SPSB1: variants seen among roughly 807,000 people sequenced by gnomAD.
SPSB1 encodes the protein splA/ryanodine receptor domain and SOCS box containing 1.
SPSB1 carries 8 observed loss-of-function variants against 21.2 expected under a neutral mutation model. That is an observed-to-expected ratio of 0.38 (90% confidence interval 0.22 to 0.68). The LOEUF is 0.68. Ranked by LOEUF, SPSB1 falls within the 30% of genes least tolerant of loss-of-function variation. The probability of loss-of-function intolerance (pLI) is 0.53; values close to 1 mark genes in which losing one functional copy is unlikely to be tolerated. For synonymous variants in SPSB1, 169 were observed against 161.7 expected, an observed-to-expected ratio of 1.05 and a Z score of -0.34; for missense variants, 242 against 377.8, an observed-to-expected ratio of 0.64 and a Z score of 2.98.
intron 1 of SPSB1, among the ~76,000 whole-genome samples, chr1:9,308,127 C>T (rs942952283): frequency 6.6e-6 from 1 of 152,252 alleles, no homozygotes; most frequent in African/African-American, 2.4e-5. Context: ...TAATTCCATT[C>T]CTTCCAGTGT....
chr1:9,296,934 G>A (rs1639235113), intron 1 of SPSB1, among the ~76,000 whole-genome samples: 1 of 152,186 alleles, frequency 6.6e-6, no homozygotes, highest in African/African-American at 2.4e-5. Context: ...ATTGCCCAAC[G>A]TTAAAAATAA....
chr1:9,304,654 G>A (rs1053904018), intron 1 of SPSB1, among the ~76,000 whole-genome samples: 1 of 152,058 alleles, frequency 6.6e-6, no homozygotes, highest in South Asian at 2.1e-4. Context: ...CTAGTTTGGG[G>A]GTCATCGTGA....
In SPSB1 at chr1:9,367,390, G is replaced by A. The variant is rs1329433192; in HGVS notation, c.695-58G>A. 14 of 1,610,824 alleles carry A rather than the reference G, an allele frequency of 8.7e-6. No homozygotes were observed. In the Admixed American group the frequency reaches 1.5e-4, roughly 17 times the overall value. On this transcript the variant is annotated intron_variant, in intron 2 of 2. Transcript: ENST00000328089. The surrounding 1 kb of genome is among the most constrained non-coding windows in gnomAD (Gnocchi z 5.9). ...TGATAATATTGCTGCTGTGGTTAGC[G>A]CTGTTTGCTGAACACCCACCCAAGC...
At chr1:9,295,001 G>C (rs1639194345) in intron 1 of SPSB1, among the ~76,000 whole-genome samples, 1 of 152,188 alleles carries the variant, frequency 6.6e-6, no homozygotes. Context: ...TGCACAGCCA[G>C]GGCTGTGGAC....
Position 9,367,329 on chromosome 1 carries a change from A to T in SPSB1, c.695-119A>T. 6.5e-7 allele frequency: 1 copy of T among 1,541,454 alleles called. No homozygotes were observed. On this transcript the variant is annotated intron_variant, in intron 2 of 2. Transcript: ENST00000328089. The surrounding 1 kb of genome is among the most constrained non-coding windows in gnomAD (Gnocchi z 5.9). ...AAAATGAAAAAGCATTGCATTTTTC[A>T]TTGTTTCTTTACTGATTTGAGTGAA...
In SPSB1 at chr1:9,303,707, C is replaced by T. The variant is rs141905831; in HGVS notation, c.-150+10636C>T. On this transcript the variant is annotated intron_variant, in intron 1 of 2. Transcript: ENST00000328089. Reference sequence around the variant, plus strand: ...TCTTTGCTATGCAGGATAGTAGTGTCACGATAGGTGGAACTATGACCTTGA... The same window carrying T: ...TCTTTGCTATGCAGGATAGTAGTGTTACGATAGGTGGAACTATGACCTTGA... 3.1e-3 allele frequency among the ~76,000 whole-genome samples: 469 copies of T among 152,242 alleles called. 3 individuals are homozygous for T. The highest frequency in any genetic ancestry group is 0.011 in the African/African-American group (449 of 41,544).
intron 1 of SPSB1, among the ~76,000 whole-genome samples, chr1:9,294,085 T>C (rs982667166): frequency 7.6e-6 from 1 of 130,848 alleles, no homozygotes; most frequent in Non-Finnish European, 1.6e-5. Flanking sequence ...TGCCTCTCTG[T>C]GTATGTCTGT....
intron 1 of SPSB1, among the ~76,000 whole-genome samples, chr1:9,330,476 C>CAAT (rs56325526): frequency 0.38 from 57,250 of 150,052 alleles, 11,861 homozygotes; most frequent in African/African-American, 0.55. Context: ...AAAATAATAA[C>CAAT]AATAATAATA....
intron 1 of SPSB1, among the ~76,000 whole-genome samples, chr1:9,295,479 G>A (rs1054106456): frequency 6.6e-6 from 1 of 152,190 alleles, no homozygotes; most frequent in Non-Finnish European, 1.5e-5. Context: ...GGGCCTGCCT[G>A]GGGCCCTGGT....
At chr1:9,332,025 G>A (rs1159295911) in intron 1 of SPSB1, among the ~76,000 whole-genome samples, 1 of 152,124 alleles carries the variant, frequency 6.6e-6, no homozygotes. Context: ...TGACTCTTTT[G>A]TACGTGTTTG....
chr1:9,296,726 AGAG>A lies in SPSB1; in HGVS notation c.-150+3657_-150+3659del, dbSNP rs1639232280. Reference sequence around the variant, plus strand: ...ATTTAAAGGAAGCATCACATCTCAAAGAGGTTGACTGTTACTCTATGCGGGGCA... The same window carrying A: ...ATTTAAAGGAAGCATCACATCTCAAAGTTGACTGTTACTCTATGCGGGGCA... On this transcript the variant is annotated intron_variant, in intron 1 of 2. Transcript: ENST00000328089. Among the ~76,000 whole-genome samples, 3 of 152,222 alleles carry A rather than the reference AGAG, an allele frequency of 2.0e-5. 1 individual carries two copies. In the South Asian group the frequency reaches 6.2e-4, roughly 31 times the overall value.
intron 1 of SPSB1, among the ~76,000 whole-genome samples, chr1:9,304,349 C>G (rs1167405901): frequency 6.6e-6 from 1 of 152,212 alleles, no homozygotes; most frequent in African/African-American, 2.4e-5. Context: ...GACTCAGCCT[C>G]CATAACCGAT....
rs540537655 is a variant in SPSB1 at position 9,320,435 on chromosome 1, C to T, written c.-150+27364C>T. Among the ~76,000 whole-genome samples, 50 of 152,218 alleles carry T rather than the reference C, an allele frequency of 3.3e-4. No homozygotes were observed. In the South Asian group the frequency reaches 0.01, roughly 31 times the overall value. ...CACGTGTGTGCAGATATGGGGTGGC[C>T]CCATCTCCGCCATTTGATTGGGAGG... On this transcript the variant is annotated intron_variant, in intron 1 of 2. Coordinates refer to ENST00000328089, the MANE Select transcript of SPSB1 (RefSeq NM_025106.4).
rs1639722424 is a variant in SPSB1, at chr1:9,321,546, G to A, written c.-150+28475G>A. On this transcript the variant is annotated intron_variant, in intron 1 of 2. Coordinates refer to ENST00000328089, the MANE Select transcript of SPSB1 (RefSeq NM_025106.4). The surrounding 1 kb of genome is among the most constrained non-coding windows in gnomAD (Gnocchi z 4.8). The stretch of plus-strand genomic sequence containing the variant: ...CAAGGATTCAGCTCAGAACGGGGAA[G>A]AGGGTGTTTGAGAGACTGATGAGTC... Among the ~76,000 whole-genome samples, 1 of 152,190 alleles carries A rather than the reference G, an allele frequency of 6.6e-6. No homozygotes were observed. Among genetic ancestry groups the A allele is most frequent in the Admixed American group, 6.5e-5 (1 of 15,280 alleles).
At chr1:9,337,475 G>A (rs535437744) in intron 1 of SPSB1, among the ~76,000 whole-genome samples, 1 of 152,168 alleles carries the variant, frequency 6.6e-6, no homozygotes, top group East Asian at 1.9e-4. Context: ...CATGGTTTGG[G>A]GACAGGAAGC....
chr1:9,301,354 G>T (rs528976005), intron 1 of SPSB1, among the ~76,000 whole-genome samples: 1 of 152,096 alleles, frequency 6.6e-6, no homozygotes, highest in African/African-American at 2.4e-5. Context: ...TAAAAAATTA[G>T]CTGGGCGTGG....
At chr1:9,327,219 G>A (rs1217085299) in intron 1 of SPSB1, among the ~76,000 whole-genome samples, 1 of 152,224 alleles carries the variant, frequency 6.6e-6, no homozygotes, top group Non-Finnish European at 1.5e-5. Context: ...CTGAGTATGG[G>A]CAGAAATTGG....
At chr1:9,366,584 T>C (rs1488729209) in intron 2 of SPSB1, among the ~76,000 whole-genome samples, 1 of 151,600 alleles carries the variant, frequency 6.6e-6, no homozygotes, top group Non-Finnish European at 1.5e-5. Context: ...GTTCTTTTTT[T>C]TTTTTTTTTG....
intron 1 of SPSB1, among the ~76,000 whole-genome samples, chr1:9,337,739 C>T (rs906843713): frequency 4.6e-5 from 7 of 152,196 alleles, no homozygotes; most frequent in Non-Finnish European, 5.9e-5. Context: ...GCTGCAGAGC[C>T]GCTGGTAAGG....
Sources: allele counts gnomAD v4.1 joint callset (sites outside exome capture counted in the v4.1 genomes callset), GRCh38; gene constraint gnomAD v4.1.1; non-coding constraint Gnocchi (gnomAD v3.1); transcripts MANE v1.5; gene names NCBI Gene and HGNC (gene_info 2026-07-23, HGNC 2026-07-21).